The following PPHLN1 variants were observed in gnomAD, a reference collection of about 807,000 sequenced individuals.
The protein encoded by PPHLN1 is periphilin 1.
Under a neutral mutation model 51.3 loss-of-function variants are expected in PPHLN1, and 29 were observed. The ratio of observed to expected loss-of-function variants is 0.57; its 90% confidence interval spans 0.42 to 0.77. The LOEUF (loss-of-function observed/expected upper bound fraction) is 0.77. Among genes scored for constraint, PPHLN1 ranks in the 30% least tolerant of loss-of-function variants. PPHLN1 has a pLI of 0.00. For synonymous variants in PPHLN1, 147 were observed against 147.8 expected, an observed-to-expected ratio of 0.99 and a Z score of 0.04; for missense variants, 436 against 438.4, an observed-to-expected ratio of 0.99 and a Z score of 0.05.
chr12:42,333,800 A>G (rs1040881873), intron 1 of PPHLN1, among the ~76,000 whole-genome samples: 1 of 152,068 alleles, frequency 6.6e-6, no homozygotes, highest in Non-Finnish European at 1.5e-5. Context: ...TTACTAACCT[A>G]TGTAAGTGTT....
At position 42,398,511 on chromosome 12, in the gene PPHLN1, G is replaced by T. The variant is rs113396949; in HGVS notation, c.769-343G>T. The T allele has an allele frequency of 3.9e-3, 713 of 181,674 alleles. 2 individuals carry two copies. Among genetic ancestry groups the T allele is most frequent in the African/African-American group, 0.016 (685 of 42,524 alleles). The allele number at this position is 181,674 out of a possible 1,614,324, so 11.3% of individuals were successfully genotyped here. ...ATTTTGGAATCGAATAGGCCTAGAG[G>T]CTTTGTCTTACCTAAAATTTAAAAA... is the stretch of plus-strand genomic sequence containing the variant. On this transcript the variant is annotated intron_variant, in intron 8 of 9. Coordinates refer to ENST00000358314, the MANE Select transcript of PPHLN1 (RefSeq NM_201439.2).
At chr12:42,398,772 C>T (rs1331560991) in intron 8 of PPHLN1, 82 bp from the exon 9 acceptor site, 1 of 1,240,016 alleles carries the variant, frequency 8.1e-7, no homozygotes, top group Non-Finnish European at 1.1e-6. Flanking sequence ...ATATAATTTG[C>T]CAGTTAGTGC....
chr12:42,445,341 T>C, downstream of PPHLN1: 1 of 532,596 alleles, frequency 1.9e-6, no homozygotes, highest in Non-Finnish European at 3.4e-6. Context: ...TATCCTGCAA[T>C]GCCCAGATTG....
rs1555216928 is a variant in PPHLN1, at chr12:42,418,237, T to TTTA, written c.909+19243_909+19244insTTA. ...TTTTTTTTTTTTTTTTTTTTTTTTT[T>TTTA]AATCAACGCAGGAAATGGGGAACGT... On this transcript the variant is annotated intron_variant, in intron 9 of 9. Coordinates refer to ENST00000358314, the MANE Select transcript of PPHLN1 (RefSeq NM_201439.2). Among the ~76,000 whole-genome samples the TTTA allele has an allele frequency of 1.7e-3, 197 of 115,796 alleles. 3 individuals carry two copies. The highest frequency in any genetic ancestry group is 2.8e-3 in the Non-Finnish European group (153 of 54,822). 76.0% of individuals were successfully genotyped at this position (115,796 alleles called of 152,430 possible).
chr12:42,409,910 T>C (rs1331134436), intron 9 of PPHLN1, among the ~76,000 whole-genome samples: 1 of 152,120 alleles, frequency 6.6e-6, no homozygotes, highest in Non-Finnish European at 1.5e-5. Context: ...TTCTCCAGTT[T>C]TATATTATAT....
intron 5 of PPHLN1, among the ~76,000 whole-genome samples, chr12:42,375,584 A>G (rs1460812891): frequency 6.6e-6 from 1 of 152,190 alleles, no homozygotes; most frequent in African/African-American, 2.4e-5. Context: ...TGGTGGGATT[A>G]CAGGTGTGAG....
intron 9 of PPHLN1, among the ~76,000 whole-genome samples, chr12:42,432,734 G>A (rs2082147375): frequency 6.6e-6 from 1 of 152,090 alleles, no homozygotes; most frequent in Non-Finnish European, 1.5e-5. Context: ...TGTTCCTATT[G>A]CCACACCCAT....
chr12:42,332,657 C>T (rs2069940001), intron 1 of PPHLN1: 1 of 1,572,950 alleles, frequency 6.4e-7, no homozygotes, highest in Non-Finnish European at 8.7e-7. Context: ...CCCCCCCTTA[C>T]AGGAAATTGT....
intron 9 of PPHLN1, among the ~76,000 whole-genome samples, chr12:42,436,322 G>T (rs937861982): frequency 2.6e-5 from 4 of 152,176 alleles, no homozygotes; most frequent in African/African-American, 9.7e-5. Context: ...TATCAGTTTT[G>T]TGGTGCTAGG....
chr12:42,375,093 T>A lies in PPHLN1; in HGVS notation c.511+19T>A. 1 of 1,548,122 alleles carries A rather than the reference T, an allele frequency of 6.5e-7. No individual in the cohort carries two copies. Among genetic ancestry groups the A allele is most frequent in the South Asian group, 1.2e-5 (1 of 85,464 alleles). ...CATAGAAGTATGTATTTTAAGACTT[T>A]ATTTTTTTCTCTCACAGTCTCCTCT... is the stretch of plus-strand genomic sequence containing the variant. On this transcript the variant is annotated intron_variant, in intron 5 of 9. Coordinates refer to ENST00000358314, the MANE Select transcript of PPHLN1 (RefSeq NM_201439.2).
intron 5 of PPHLN1, among the ~76,000 whole-genome samples, chr12:42,383,918 A>T (rs1285350678): frequency 1.6e-5 from 2 of 128,890 alleles, no homozygotes; most frequent in African/African-American, 5.6e-5. Flanking sequence ...CGGGGGGCGG[A>T]GGTTGCACTG....
At chr12:42,397,831 T>A (rs892865260) in intron 8 of PPHLN1, among the ~76,000 whole-genome samples, 1 of 152,122 alleles carries the variant, frequency 6.6e-6, no homozygotes, top group African/African-American at 2.4e-5. Flanking sequence ...AACCTCTGCC[T>A]CCCGGGTTCA....
intron 1 of PPHLN1, chr12:42,329,707 G>A (rs1331324263): frequency 2.0e-5 from 3 of 152,132 alleles, no homozygotes; most frequent in Non-Finnish European, 2.9e-5. Flanking sequence ...GCACGATTGG[G>A]GGATCTGTTA....
At chr12:42,336,052 A>G in intron 2 of PPHLN1, 78 bp downstream of exon 2, 1 of 885,904 alleles carries the variant, frequency 1.1e-6, no homozygotes, top group Non-Finnish European at 1.6e-6. Flanking sequence ...TAGGCCTATT[A>G]ACAAAATCTT....
chr12:42,389,367 G>A (rs867064350), intron 7 of PPHLN1, among the ~76,000 whole-genome samples: 2 of 147,514 alleles, frequency 1.4e-5, no homozygotes, highest in African/African-American at 2.5e-5. Context: ...GTGAGACTCC[G>A]TCTCAAAACA....
intron 5 of PPHLN1, among the ~76,000 whole-genome samples, chr12:42,378,448 G>A (rs1246280196): frequency 1.3e-5 from 2 of 151,802 alleles, no homozygotes; most frequent in African/African-American, 2.4e-5. Context: ...ACTGAGACAC[G>A]GGGTTCTGCA....
rs182130006 is a variant in PPHLN1, at chr12:42,425,184, A to G, written c.910-16131A>G. Among the ~76,000 whole-genome samples the G allele has an allele frequency of 4.4e-3, 667 of 150,750 alleles. 7 individuals carry two copies. The highest frequency in any genetic ancestry group is 0.016 in the African/African-American group (644 of 40,992). On this transcript the variant is annotated intron_variant, in intron 9 of 9. Transcript: ENST00000358314. ...CAACCTCCCCCTCCCAGTTCAAGCA[A>G]TTCTCCCACCTCAGCCTCCCAAGTA...
At chr12:42,408,277 A>G (rs1334714744) in intron 9 of PPHLN1, among the ~76,000 whole-genome samples, 1 of 151,798 alleles carries the variant, frequency 6.6e-6, no homozygotes, top group Non-Finnish European at 1.5e-5. Context: ...AGGCTGAGGG[A>G]GGAGGTGGAT....
At chr12:42,374,607 A>ATTTTTTTTTTTTTTTTTTTT (rs35683626) in intron 4 of PPHLN1, 1 of 158,932 alleles carries the variant, frequency 6.3e-6, no homozygotes, top group Non-Finnish European at 1.2e-5. Flanking sequence ...CGCCCAGCTA[A>ATTTTTTTTTTTTTTTTTTTT]TTTTTTTTTT....
Sources: gnomAD v4.1 joint callset for allele counts (sites outside exome capture counted in the v4.1 genomes callset) on GRCh38, gnomAD v4.1.1 for gene constraint, MANE v1.5 for transcripts, NCBI Gene and HGNC (gene_info 2026-07-23, HGNC 2026-07-21) for gene names.